The following PLEKHG1 variants were observed in gnomAD, a reference collection of about 807,000 sequenced individuals.
PLEKHG1 encodes pleckstrin homology and RhoGEF domain containing G1.
In PLEKHG1, 44 loss-of-function variants were observed where a neutral mutation model predicts 100.8. The observed-to-expected ratio is 0.44, with a 90% CI of 0.34 to 0.56. The LOEUF (loss-of-function observed/expected upper bound fraction) is 0.56. Ranked by LOEUF, PLEKHG1 falls within the 20% of genes least tolerant of loss-of-function variation. The probability of loss-of-function intolerance (pLI) is 0.01; values close to 1 mark genes in which losing one functional copy is unlikely to be tolerated. For synonymous variants in PLEKHG1, 640 were observed against 662.5 expected, an observed-to-expected ratio of 0.97 and a Z score of 0.52; for missense variants, 1,545 against 1,720.9, an observed-to-expected ratio of 0.90 and a Z score of 1.81.
chr6:150,716,111 A>G (rs1490498546), upstream of PLEKHG1, among the ~76,000 whole-genome samples: 1 of 149,354 alleles, frequency 6.7e-6, no homozygotes, highest in African/African-American at 2.4e-5. Flanking sequence ...CCGTCTCAAA[A>G]AAAAAAAAAA....
chr6:150,623,426 G>A (rs1311241550), intron 1 of PLEKHG1, among the ~76,000 whole-genome samples: 2 of 152,186 alleles, frequency 1.3e-5, no homozygotes, highest in African/African-American at 2.4e-5. Flanking sequence ...AACAAATGTC[G>A]CATGCCTTTT....
chr6:150,660,805 C>A (rs1017095640), intron 3 of PLEKHG1, among the ~76,000 whole-genome samples: 11 of 152,324 alleles, frequency 7.2e-5, no homozygotes, highest in Non-Finnish European at 1.3e-4. Flanking sequence ...TTATCCTGGT[C>A]ACATTTCAGT....
intron 2 of PLEKHG1, among the ~76,000 whole-genome samples, chr6:150,646,882 G>A (rs1778525295): frequency 6.6e-6 from 1 of 152,118 alleles, no homozygotes; most frequent in Non-Finnish European, 1.5e-5. Flanking sequence ...GGAAATTCAT[G>A]GGAGGAACAT....
intron 2 of PLEKHG1, among the ~76,000 whole-genome samples, chr6:150,647,429 A>G (rs1778550580): frequency 6.6e-6 from 1 of 152,216 alleles, no homozygotes; most frequent in African/African-American, 2.4e-5. Context: ...GGACATGGTG[A>G]TAGGTTGGTC....
chr6:150,801,596 C>T (rs1040119247), intron 6 of PLEKHG1, among the ~76,000 whole-genome samples: 5 of 151,762 alleles, frequency 3.3e-5, no homozygotes, highest in African/African-American at 1.2e-4. Flanking sequence ...CACCACCATG[C>T]CTGGCTAATT....
intron 2 of PLEKHG1, among the ~76,000 whole-genome samples, chr6:150,754,739 G>A (rs1040570164): frequency 1.3e-4 from 20 of 151,214 alleles, no homozygotes; most frequent in African/African-American, 4.9e-4. Context: ...CACAATCTTG[G>A]CTCACCGCAA....
At chr6:150,632,605 C>CACAT (rs1487486232) in intron 1 of PLEKHG1, among the ~76,000 whole-genome samples, 2 of 152,350 alleles carry the variant, frequency 1.3e-5, no homozygotes, top group African/African-American at 4.8e-5. Flanking sequence ...ATGGCAGGAA[C>CACAT]ACATGCAGGC....
intron 14 of PLEKHG1, 104 bp from the exon 16 acceptor site, chr6:150,830,478 A>T: frequency 1.3e-6 from 1 of 790,136 alleles, no homozygotes; most frequent in Non-Finnish European, 2.0e-6. Context: ...AAAGAATATT[A>T]AAGCCTAGTG....
intron 10 of PLEKHG1, among the ~76,000 whole-genome samples, 157 bp downstream of exon 11, chr6:150,809,891 C>CAA (rs201618525): frequency 0.26 from 35,429 of 135,560 alleles, 4,765 homozygotes; most frequent in Admixed American, 0.33. Flanking sequence ...GAGACTGGGT[C>CAA]AAAAAAAAAA....
intron 13 of PLEKHG1, among the ~76,000 whole-genome samples, chr6:150,821,762 TAAA>T (rs1193254139): frequency 6.6e-6 from 1 of 151,904 alleles, no homozygotes; most frequent in Non-Finnish European, 1.5e-5. Context: ...TTGACAGGCA[TAAA>T]AAGATTATTA....
At chr6:150,701,858 G>T (rs142695204) in intron 3 of PLEKHG1, among the ~76,000 whole-genome samples, 44 of 152,226 alleles carry the variant, frequency 2.9e-4, no homozygotes, top group Middle Eastern at 6.8e-3. Context: ...ATATGAATGG[G>T]TGTCTTTTAG....
chr6:150,654,245 T>C (rs1487884356), intron 3 of PLEKHG1, among the ~76,000 whole-genome samples: 1 of 152,230 alleles, frequency 6.6e-6, no homozygotes, highest in East Asian at 1.9e-4. Context: ...TTGCTAGCAT[T>C]TCCTGAGCCC....
At chr6:150,754,545 G>A (rs902972405) in intron 2 of PLEKHG1, among the ~76,000 whole-genome samples, 1 of 152,242 alleles carries the variant, frequency 6.6e-6, no homozygotes, top group South Asian at 2.1e-4. Context: ...AGCGATGAGA[G>A]AGAGGACAAG....
intron 3 of PLEKHG1, among the ~76,000 whole-genome samples, chr6:150,699,127 T>C (rs1319340772): frequency 6.6e-6 from 1 of 152,258 alleles, no homozygotes; most frequent in Non-Finnish European, 1.5e-5. Flanking sequence ...TCTGTTATTA[T>C]ACTACAGGTA....
At position 150,831,421 on chromosome 6, in the gene PLEKHG1, T is replaced by G; in HGVS notation, c.2310T>G (p.Gly770=). The G allele has an allele frequency of 6.2e-7, 1 of 1,614,096 alleles. No homozygotes were observed. The highest frequency in any genetic ancestry group is 8.5e-7 in the Non-Finnish European group (1 of 1,180,028). Reference sequence around the variant, plus strand: ...GTGCAAAGCGGAGCACCTTTTTGGGTCTGGAGGCCGACTTCGTGTGCTGTG... The same window carrying G: ...GTGCAAAGCGGAGCACCTTTTTGGGGCTGGAGGCCGACTTCGTGTGCTGTG... Residue 770 remains glycine, a synonymous_variant, in exon 15 of 16, where the codon GGT becomes GGG. Transcript: ENST00000358517. The surrounding 1 kb of genome is among the most constrained non-coding windows in gnomAD (Gnocchi z 4.1).
intron 6 of PLEKHG1, 35 bp downstream of exon 7, chr6:150,800,904 G>A (rs372179951): frequency 6.3e-7 from 1 of 1,590,112 alleles, no homozygotes; most frequent in Admixed American, 1.7e-5. Flanking sequence ...CTTTCCAGGG[G>A]ATGGGAGTTT....
chr6:150,716,621 G>T (rs1042592286), upstream of PLEKHG1, among the ~76,000 whole-genome samples: 1 of 152,096 alleles, frequency 6.6e-6, no homozygotes, highest in African/African-American at 2.4e-5. Context: ...TGTGTGTGTT[G>T]TCTGTGCTTC....
chr6:150,730,533 TG>T (rs1366864402), intron 1 of PLEKHG1, among the ~76,000 whole-genome samples: 1 of 152,160 alleles, frequency 6.6e-6, no homozygotes, highest in Non-Finnish European at 1.5e-5. Context: ...AATGCTCGCT[TG>T]CCCATCGCTC....
At chr6:150,652,149 G>A (rs1778771174) in intron 3 of PLEKHG1, 2 of 152,034 alleles carry the variant, frequency 1.3e-5, no homozygotes, top group South Asian at 4.2e-4. Flanking sequence ...TTTTAACTTG[G>A]TGGTGTTGGT....
Sources: allele counts gnomAD v4.1 joint callset (sites outside exome capture counted in the v4.1 genomes callset), GRCh38; gene constraint gnomAD v4.1.1; non-coding constraint Gnocchi (gnomAD v3.1); transcripts MANE v1.5; gene names NCBI Gene and HGNC (gene_info 2026-07-23, HGNC 2026-07-21).